Variants in CTXND2 observed in about 807,000 individuals in gnomAD.
The protein encoded by CTXND2 is cortexin domain containing 2.
intron 1 of CTXND2, among the ~76,000 whole-genome samples, chr1:150,908,414 C>T (rs1669191055): frequency 6.6e-6 from 1 of 152,184 alleles, no homozygotes; most frequent in African/African-American, 2.4e-5. Context: ...TTACTTTCTA[C>T]CTTTGTCAAC....
At position 150,892,531 on chromosome 1, in the gene CTXND2, T is replaced by TTC. The variant is rs1668865519; in HGVS notation, c.-74+5219_-74+5220insCT. 1.0e-3 allele frequency among the ~76,000 whole-genome samples: 124 copies of TTC among 122,740 alleles called. 2 individuals are homozygous for TTC. In the East Asian group the frequency reaches 0.024, roughly 24 times the overall value. 80.5% of individuals were successfully genotyped at this position (122,740 alleles called of 152,430 possible). On this transcript the variant is annotated intron_variant, in intron 1 of 1. Coordinates refer to ENST00000636087, the Ensembl canonical transcript of CTXND2. ...AGAATGTCTTATTCTTCTTCTTCTT[T>TTC]TTTTTTTTTTTTTTTTTATTGAGAC...
intron 1 of CTXND2, among the ~76,000 whole-genome samples, chr1:150,912,005 G>A (rs754731357): frequency 3.9e-5 from 6 of 152,138 alleles, no homozygotes; most frequent in Non-Finnish European, 7.4e-5. Context: ...TGATTCCTAG[G>A]TTATATACAT....
intron 1 of CTXND2, among the ~76,000 whole-genome samples, chr1:150,888,975 A>G (rs1020280034): frequency 2.0e-5 from 3 of 151,956 alleles, no homozygotes; most frequent in African/African-American, 7.2e-5. Context: ...AAGGGCTGGG[A>G]TTATAGGAAT....
At chr1:150,909,356 T>A (rs113250997) in intron 1 of CTXND2, among the ~76,000 whole-genome samples, 1,796 of 151,768 alleles carry the variant, frequency 0.012, 27 homozygotes, top group African/African-American at 0.041. Context: ...GAGACCAGCC[T>A]GGGCAACATG....
intron 1 of CTXND2, among the ~76,000 whole-genome samples, chr1:150,897,333 T>C (rs1251203097): frequency 6.6e-6 from 1 of 152,174 alleles, no homozygotes; most frequent in Non-Finnish European, 1.5e-5. Flanking sequence ...AGAAATATTT[T>C]GGAAATAGGC....
At chr1:150,899,400 A>C (rs1375322525) in intron 1 of CTXND2, among the ~76,000 whole-genome samples, 1 of 151,976 alleles carries the variant, frequency 6.6e-6, no homozygotes, top group African/African-American at 2.4e-5. Context: ...GCACCACTAC[A>C]CTCCAGCCTG....
At chr1:150,887,455 A>T (rs1225706961) in intron 1 of CTXND2, 142 bp downstream of exon 1, 1 of 151,804 alleles carries the variant, frequency 6.6e-6, no homozygotes, top group Non-Finnish European at 1.5e-5. Flanking sequence ...CTTTATTATT[A>T]TTATTATTAT....
intron 1 of CTXND2, among the ~76,000 whole-genome samples, chr1:150,903,712 C>T (rs771581990): frequency 1.4e-4 from 21 of 151,508 alleles, no homozygotes; most frequent in African/African-American, 1.9e-4. Flanking sequence ...GCAGGAGAAT[C>T]GCTTGAACCT....
At chr1:150,892,513 CTTA>C (rs1312341837) in intron 1 of CTXND2, among the ~76,000 whole-genome samples, 27 of 139,532 alleles carry the variant, frequency 1.9e-4, no homozygotes, top group East Asian at 8.2e-4. Context: ...TTCAGAATGT[CTTA>C]TTCTTCTTCT....
chr1:150,907,141 GAATTTAA>G (rs587704453), intron 1 of CTXND2, among the ~76,000 whole-genome samples: 106 of 152,212 alleles, frequency 7.0e-4, no homozygotes, highest in African/African-American at 2.4e-3. Context: ...ATAAGATTAG[GAATTTAA>G]AACTGAACTA....
At chr1:150,897,327 A>G (rs1000445602) in intron 1 of CTXND2, among the ~76,000 whole-genome samples, 1 of 152,142 alleles carries the variant, frequency 6.6e-6, no homozygotes, top group African/African-American at 2.4e-5. Flanking sequence ...TATGTGAGAA[A>G]TATTTTGGAA....
In CTXND2 at chr1:150,892,548, T is replaced by A. The variant is rs868601481; in HGVS notation, c.-74+5235T>A. 1.7e-3 allele frequency among the ~76,000 whole-genome samples: 186 copies of A among 111,080 alleles called. 3 individuals are homozygous for A. In the Middle Eastern group the frequency reaches 0.032, roughly 19 times the overall value. The allele number at this position is 111,080 out of a possible 152,430, so 72.9% of individuals were successfully genotyped here. A position where few individuals can be genotyped will look rare whatever the true frequency, so the allele number is the denominator to read the frequency against. On this transcript the variant is annotated intron_variant, in intron 1 of 1. Transcript: ENST00000636087. ...TTCTTCTTTTTTTTTTTTTTTTTTT[T>A]ATTGAGACAGGGCCTCGCTTTATCA...
intron 1 of CTXND2, among the ~76,000 whole-genome samples, chr1:150,901,498 C>CT (rs1440385366): frequency 6.6e-6 from 1 of 152,144 alleles, no homozygotes; most frequent in Non-Finnish European, 1.5e-5. Flanking sequence ...CAAAACACTA[C>CT]AAAGCTACAG....
At chr1:150,908,286 G>A (rs1265669835) in intron 1 of CTXND2, among the ~76,000 whole-genome samples, 2 of 152,126 alleles carry the variant, frequency 1.3e-5, no homozygotes, top group African/African-American at 4.8e-5. Context: ...GATTATAGGC[G>A]TGAGCCACCA....
intron 1 of CTXND2, among the ~76,000 whole-genome samples, chr1:150,900,682 A>AG (rs1239244373): frequency 1.3e-5 from 2 of 152,114 alleles, no homozygotes; most frequent in Non-Finnish European, 2.9e-5. Flanking sequence ...ACGAATAGTG[A>AG]GAAAATATTT....
At chr1:150,891,347 A>G (rs766383697) in intron 1 of CTXND2, among the ~76,000 whole-genome samples, 13 of 151,732 alleles carry the variant, frequency 8.6e-5, no homozygotes, top group Non-Finnish European at 1.6e-4. Flanking sequence ...CCGAGTAGCT[A>G]GGACTACAGG....
intron 1 of CTXND2, among the ~76,000 whole-genome samples, chr1:150,892,477 A>G (rs1668862871): frequency 1.3e-5 from 2 of 151,718 alleles, no homozygotes. Flanking sequence ...GCTGATAAGG[A>G]AAATCTCTCT....
At chr1:150,888,012 T>TATAG (rs1370283149) in intron 1 of CTXND2, among the ~76,000 whole-genome samples, 3 of 151,860 alleles carry the variant, frequency 2.0e-5, no homozygotes, top group African/African-American at 7.2e-5. Flanking sequence ...TCTCCTACTA[T>TATAG]AATCCCAAGA....
rs183725970 is a variant in CTXND2, at chr1:150,902,162, G to T, written c.-73-10080G>T. On this transcript the variant is annotated intron_variant, in intron 1 of 1. Coordinates refer to ENST00000636087, the Ensembl canonical transcript of CTXND2. The stretch of plus-strand genomic sequence containing the variant: ...CACGCCTGTAATCCCAGCACTTTGG[G>T]GGGCAGAGGCGGGCAGATCACAAGG... Among the ~76,000 whole-genome samples the T allele has an allele frequency of 4.9e-3, 751 of 152,118 alleles. 11 individuals are homozygous for T. Among genetic ancestry groups the T allele is most frequent in the African/African-American group, 0.017 (707 of 41,480 alleles).
Sources: gnomAD v4.1 joint callset for allele counts (sites outside exome capture counted in the v4.1 genomes callset) on GRCh38, gnomAD v4.1.1 for gene constraint, MANE v1.5 for transcripts, NCBI Gene and HGNC (gene_info 2026-07-23, HGNC 2026-07-21) for gene names.